The following GSE1 variants were observed in gnomAD, a reference collection of about 807,000 sequenced individuals.
GSE1 encodes genetic suppressor element 1.
In GSE1, 32 loss-of-function variants were observed where a neutral mutation model predicts 112.6. The observed-to-expected ratio is 0.28, with a 90% CI of 0.21 to 0.38. GSE1 has a LOEUF of 0.38. GSE1 is among the 10% of genes least tolerant of loss of function. GSE1 has a pLI of 1.00. For missense variants in GSE1, 2,348 were observed against 1,699.2 expected (o/e 1.38, Z -6.71); for synonymous variants, 1,115 against 735.6 (o/e 1.52, Z -8.35).
At chr16:85,388,376 G>GGATGGA (rs2047750450) in intron 2 of GSE1, among the ~76,000 whole-genome samples, 1 of 60,762 alleles carries the variant, frequency 1.6e-5, no homozygotes, top group Non-Finnish European at 3.2e-5. Context: ...GGGCGGGTGG[G>GGATGGA]TGGATGGATG....
intron 2 of GSE1, among the ~76,000 whole-genome samples, chr16:85,377,488 C>T (rs148201896): frequency 6.6e-6 from 1 of 152,342 alleles, no homozygotes; most frequent in East Asian, 1.9e-4. Context: ...CCTACCCTCT[C>T]TGTGCCTTAG....
At chr16:85,294,133 T>C (rs2045297622) in intron 1 of GSE1, among the ~76,000 whole-genome samples, 1 of 152,174 alleles carries the variant, frequency 6.6e-6, no homozygotes, top group African/African-American at 2.4e-5. Flanking sequence ...AGGTGGCCTG[T>C]TCCAGCTGGC....
intron 1 of GSE1, among the ~76,000 whole-genome samples, chr16:85,625,366 T>G (rs149858587): frequency 3.3e-5 from 5 of 152,178 alleles, no homozygotes; most frequent in Non-Finnish European, 7.4e-5. Context: ...CGCAGGACCG[T>G]CGGCTCCTAG....
At chr16:85,220,260 G>C (rs2143739716) in intron 1 of GSE1, among the ~76,000 whole-genome samples, 1 of 152,310 alleles carries the variant, frequency 6.6e-6, no homozygotes, top group East Asian at 1.9e-4. Flanking sequence ...ATGGCACTTG[G>C]TTTCAGTTAG....
intron 2 of GSE1, among the ~76,000 whole-genome samples, chr16:85,469,149 G>A (rs1317069739): frequency 2.0e-5 from 3 of 152,108 alleles, no homozygotes; most frequent in East Asian, 1.9e-4. Context: ...CCAGCCACTC[G>A]GGAGGCTGAG....
chr16:85,244,848 G>A (rs750086660), intron 1 of GSE1, among the ~76,000 whole-genome samples: 4 of 151,840 alleles, frequency 2.6e-5, no homozygotes, highest in Admixed American at 6.6e-5. Flanking sequence ...AAAATTAGCC[G>A]TGCGTGATGG....
chr16:85,636,205 G>C (rs1214247490), intron 2 of GSE1, among the ~76,000 whole-genome samples: 4 of 152,226 alleles, frequency 2.6e-5, no homozygotes, highest in Non-Finnish European at 5.9e-5. Context: ...GGATGCCTGG[G>C]AACTGAATGG....
intron 1 of GSE1, among the ~76,000 whole-genome samples, chr16:85,195,454 A>T (rs1233993027): frequency 6.6e-6 from 1 of 152,172 alleles, no homozygotes; most frequent in African/African-American, 2.4e-5. Flanking sequence ...CATGTTCCTG[A>T]GGCCCAGAGA....
rs1349048643 is a variant in GSE1 at position 85,665,124 on chromosome 16, G to C, written c.2754G>C (p.Leu918=). Residue 918 remains leucine, a synonymous_variant, in exon 12 of 16, where the codon CTG becomes CTC. Transcript: ENST00000253458. The stretch of plus-strand genomic sequence containing the variant: ...CGAGGGACAGTCCTGCCGTCTCCCT[G>C]AGTGGTAAGGGAAGGATAGCCCCAC... ...NSPRDSPAVS[L]SEPATQQASL... 15 of 1,586,804 alleles carry C rather than the reference G, an allele frequency of 9.5e-6. No homozygotes were observed. The highest frequency in any genetic ancestry group is 1.3e-5 in the Non-Finnish European group (15 of 1,155,876).
intron 2 of GSE1, among the ~76,000 whole-genome samples, chr16:85,409,247 C>CT (rs1359919834): frequency 2.0e-4 from 8 of 40,248 alleles, no homozygotes; most frequent in Non-Finnish European, 2.8e-4. Context: ...TCAGGCCCCC[C>CT]GGATAATCCT....
At chr16:85,377,547 G>A (rs565376823) in intron 2 of GSE1, among the ~76,000 whole-genome samples, 30 of 152,346 alleles carry the variant, frequency 2.0e-4, no homozygotes, top group African/African-American at 6.7e-4. Flanking sequence ...GGTAGGGCTG[G>A]AGGCAGTTAA....
At chr16:85,651,427 G>A (rs867912206) in intron 3 of GSE1, among the ~76,000 whole-genome samples, 4 of 152,112 alleles carry the variant, frequency 2.6e-5, no homozygotes, top group Non-Finnish European at 5.9e-5. Context: ...CGGACTCCCT[G>A]TTTGTCCTCA....
At chr16:85,616,609 T>C (rs1376524452) in intron 1 of GSE1, among the ~76,000 whole-genome samples, 1 of 152,086 alleles carries the variant, frequency 6.6e-6, no homozygotes, top group African/African-American at 2.4e-5. Context: ...GGGAGAGCTG[T>C]TTTTTTAACC....
intron 1 of GSE1, among the ~76,000 whole-genome samples, chr16:85,560,150 T>TTTTTA (rs1179259849): frequency 7.6e-5 from 11 of 145,118 alleles, no homozygotes; most frequent in African/African-American, 2.1e-4. Flanking sequence ...TTTTTTTTTT[T>TTTTTA]ATGTGAGACG....
In GSE1 at chr16:85,502,701, G is replaced by A. The variant is rs566445405; in HGVS notation, c.2465-131213G>A. Among the ~76,000 whole-genome samples, 17 of 152,352 alleles carry A rather than the reference G, an allele frequency of 1.1e-4. No homozygotes were observed. The South Asian group carries it at 2.1e-3, about 19-fold the overall frequency. On this transcript the variant is annotated intron_variant, in intron 2 of 2. Transcript: ENST00000637419. ...GGCAAGGCTACCGCCGACCTGCAGG[G>A]GAGCCTGGGGTCAAGTTCAAGGAGT...
At chr16:85,225,255 G>A (rs766839921) in intron 1 of GSE1, among the ~76,000 whole-genome samples, 1 of 152,206 alleles carries the variant, frequency 6.6e-6, no homozygotes, top group Admixed American at 6.5e-5. Flanking sequence ...AGACACTCTG[G>A]GAGGACTGCC....
intron 2 of GSE1, among the ~76,000 whole-genome samples, chr16:85,541,439 G>A (rs2151207747): frequency 6.6e-6 from 1 of 152,372 alleles, no homozygotes; most frequent in Non-Finnish European, 1.5e-5. Context: ...TCCTGACCGT[G>A]TCCCCACTGC....
At chr16:85,189,086 C>G (rs1277939690) in intron 1 of GSE1, among the ~76,000 whole-genome samples, 2 of 152,214 alleles carry the variant, frequency 1.3e-5, no homozygotes, top group Non-Finnish European at 2.9e-5. Context: ...CTTGAAGAGC[C>G]AAGCTTGTTC....
At chr16:85,385,393 C>T (rs183634164) in intron 2 of GSE1, among the ~76,000 whole-genome samples, 49 of 152,308 alleles carry the variant, frequency 3.2e-4, no homozygotes, top group Non-Finnish European at 1.0e-4. Context: ...TTGGAGTCAC[C>T]ATGCAGAGGG....
Sources: gnomAD v4.1 joint callset for allele counts (sites outside exome capture counted in the v4.1 genomes callset) on GRCh38, gnomAD v4.1.1 for gene constraint, MANE v1.5 for transcripts, NCBI Gene and HGNC (gene_info 2026-07-23, HGNC 2026-07-21) for gene names.